Variants in SLC10A2 observed in about 807,000 individuals in gnomAD.
The protein encoded by SLC10A2 is solute carrier family 10 member 2.
In SLC10A2, 34 loss-of-function variants were observed where a neutral mutation model predicts 27.1. That is an observed-to-expected ratio of 1.26 (90% confidence interval 0.96 to 1.67). The LOEUF is 1.67. Among genes scored for constraint, SLC10A2 ranks in the 40% most tolerant of loss-of-function variants. SLC10A2 has a pLI of 0.00. For missense variants in SLC10A2, 530 were observed against 444.4 expected (o/e 1.19, Z -1.73); for synonymous variants, 205 against 174.0 (o/e 1.18, Z -1.40).
At chr13:103,056,565 A>G (rs1232898582) in intron 2 of SLC10A2, among the ~76,000 whole-genome samples, 1 of 152,152 alleles carries the variant, frequency 6.6e-6, no homozygotes, top group African/African-American at 2.4e-5. Context: ...TACAGTGAGT[A>G]TTGTGGAATC....
intron 5 of SLC10A2, among the ~76,000 whole-genome samples, chr13:103,047,818 T>C (rs1875655248): frequency 6.6e-6 from 1 of 152,088 alleles, no homozygotes; most frequent in Non-Finnish European, 1.5e-5. Flanking sequence ...AATTGTTCTA[T>C]CAACCAGTCC....
intron 1 of SLC10A2, among the ~76,000 whole-genome samples, chr13:103,059,880 G>A (rs2138922629): frequency 6.6e-6 from 1 of 152,288 alleles, no homozygotes; most frequent in South Asian, 2.1e-4. Flanking sequence ...AGAAGCGGAA[G>A]CTGACTTAAA....
intron 2 of SLC10A2, among the ~76,000 whole-genome samples, chr13:103,053,843 G>C (rs1329375605): frequency 6.9e-6 from 1 of 144,324 alleles, no homozygotes; most frequent in Non-Finnish European, 1.5e-5. Context: ...ATGACTAAGG[G>C]TACTAAGAGT....
chr13:103,051,308 C>T lies in SLC10A2; in HGVS notation c.710G>A (p.Gly237Asp), dbSNP rs758439886. Residue 237 changes from glycine (G) to aspartate (D), a missense_variant, in exon 4 of 6, where the codon GGT (glycine) becomes GAT (aspartate). Gly to Asp is a moderately conservative substitution (Grantham distance 94, BLOSUM62 -1). Transcript: ENST00000245312. ...AGCCAGAAGAAACCCCAGGGAGTAACCCGCCACAGGAAATATTGTTCCTAT... is the reference window on the plus strand; with the variant it reads ...AGCCAGAAGAAACCCCAGGGAGTAATCCGCCACAGGAAATATTGTTCCTAT... Reference protein sequence around the residue: ...WIIGTIFPVAGYSLGFLLARI... With the variant: ...WIIGTIFPVADYSLGFLLARI... 1 of 1,614,066 alleles carries T rather than the reference C, an allele frequency of 6.2e-7. No homozygotes were observed. Among genetic ancestry groups the T allele is most frequent in the South Asian group, 1.1e-5 (1 of 91,070 alleles).
At chr13:103,049,525 A>ACATAATG in intron 4 of SLC10A2, 79 bp from the exon 5 acceptor site, 4 of 1,393,432 alleles carry the variant, frequency 2.9e-6, no homozygotes, top group Non-Finnish European at 3.0e-6. Flanking sequence ...AATAATAAGT[A>ACATAATG]CATATATATG....
chr13:103,057,386 T>G (rs182158505), intron 2 of SLC10A2, among the ~76,000 whole-genome samples: 221 of 152,260 alleles, frequency 1.5e-3, no homozygotes, highest in Non-Finnish European at 2.1e-3. Flanking sequence ...ATAAGGTTTT[T>G]GGGATGAGGG....
chr13:103,056,242 A>G (rs892934831), intron 2 of SLC10A2, among the ~76,000 whole-genome samples: 1 of 152,238 alleles, frequency 6.6e-6, no homozygotes, highest in Non-Finnish European at 1.5e-5. Flanking sequence ...AGGAACAAGT[A>G]TTCTGTTTCT....
intron 2 of SLC10A2, 97 bp downstream of exon 2, chr13:103,058,167 A>G (rs1732765327): frequency 1.2e-6 from 1 of 810,576 alleles, no homozygotes; most frequent in Admixed American, 1.7e-5. Flanking sequence ...CTACTAGGGC[A>G]ATAACGGTCA....
At chr13:103,059,917 G>C (rs567878317) in intron 1 of SLC10A2, among the ~76,000 whole-genome samples, 2 of 152,304 alleles carry the variant, frequency 1.3e-5, no homozygotes, top group South Asian at 4.1e-4. Flanking sequence ...GCAAGCGGCA[G>C]GGTAGACATA....
At chr13:103,058,636 T>C (rs183739690) in intron 1 of SLC10A2, among the ~76,000 whole-genome samples, 103 of 152,236 alleles carry the variant, frequency 6.8e-4, no homozygotes, top group African/African-American at 2.3e-3. Context: ...TAGGCCCCAG[T>C]GTCTGTGTTC....
At chr13:103,054,877 T>A (rs9557994) in intron 2 of SLC10A2, among the ~76,000 whole-genome samples, 1 of 152,176 alleles carries the variant, frequency 6.6e-6, no homozygotes, top group South Asian at 2.1e-4. Flanking sequence ...GTTTTACGTA[T>A]GCCTCATATG....
In SLC10A2 at chr13:103,058,430, G is replaced by A. The variant is rs1876007352; in HGVS notation, c.378-48C>T. On this transcript the variant is annotated intron_variant, in intron 1 of 5. Coordinates refer to ENST00000245312, the MANE Select transcript of SLC10A2 (RefSeq NM_000452.3). Reference sequence around the variant, plus strand: ...ATACATCCACCTGTGGTGTTCTAGGGAAGATGCTGTTTTATTTTTATTTTT... The same window carrying A: ...ATACATCCACCTGTGGTGTTCTAGGAAAGATGCTGTTTTATTTTTATTTTT... 2.7e-6 allele frequency: 3 copies of A among 1,092,672 alleles called. No individual in the cohort carries two copies. The East Asian group carries it at 7.0e-5, about 26-fold the overall frequency. 67.7% of individuals were successfully genotyped at this position (1,092,672 alleles called of 1,614,324 possible). A position where few individuals can be genotyped will look rare whatever the true frequency, so the allele number is the denominator to read the frequency against.
At position 103,054,138 on chromosome 13, in the gene SLC10A2, G is replaced by A. The variant is rs147527851; in HGVS notation, c.497-1430C>T. On this transcript the variant is annotated intron_variant, in intron 2 of 5. Coordinates refer to ENST00000245312, the MANE Select transcript of SLC10A2 (RefSeq NM_000452.3). ...ATTGTGGGGGGCAGACTTCCCCCTT[G>A]TTGTTCTTGTGATAGTGAGTTCTCA... Among the ~76,000 whole-genome samples the A allele has an allele frequency of 4.9e-4, 75 of 152,114 alleles. 1 individual carries two copies. The East Asian group carries it at 0.014, about 29-fold the overall frequency.
chr13:103,048,882 T>C (rs898489176), intron 5 of SLC10A2, among the ~76,000 whole-genome samples: 1 of 152,248 alleles, frequency 6.6e-6, no homozygotes, highest in African/African-American at 2.4e-5. Flanking sequence ...TAAATTTTCT[T>C]TGTATACCAG....
chr13:103,057,518 G>A (rs999391975), intron 2 of SLC10A2, among the ~76,000 whole-genome samples: 2 of 152,142 alleles, frequency 1.3e-5, no homozygotes, highest in Non-Finnish European at 2.9e-5. Context: ...GTTTCGTCTA[G>A]CAGTTTTCTG....
chr13:103,049,428 A>G lies in SLC10A2; in HGVS notation c.780T>C (p.Phe260=). 6.2e-7 allele frequency: 1 copy of G among 1,614,026 alleles called. No homozygotes were observed. Among genetic ancestry groups the G allele is most frequent in the Non-Finnish European group, 8.5e-7 (1 of 1,179,916 alleles). The part of the protein sequence containing the change: ...LPWYRCRTVA[F]ETGMQNTQLC... ...GCTGCGTGTTCTGCATCCCCGTTTC[A>G]AAAGCAACCGTTCGGCACCTAAAGA... The change falls in exon 5 of 6, where the codon TTT becomes TTC. Residue 260 remains phenylalanine, a synonymous_variant. Coordinates refer to ENST00000245312, the MANE Select transcript of SLC10A2 (RefSeq NM_000452.3).
rs139517943 is a variant in SLC10A2 at position 103,052,644 on chromosome 13, G to C, written c.561C>G (p.Pro187=). The change falls in exon 3 of 6, where the codon CCC becomes CCG. Residue 187 remains proline, a synonymous_variant. Transcript: ENST00000245312. The part of the protein sequence containing the change: ...SIGMFVNHKW[P]QKAKIILKIG... Reference sequence around the variant, plus strand: ...CTTTAAGTATGATCTTTGCTTTTTGGGGCCATTTGTGATTAACAAACATTC... The same window carrying C: ...CTTTAAGTATGATCTTTGCTTTTTGCGGCCATTTGTGATTAACAAACATTC... 5.6e-5 allele frequency: 91 copies of C among 1,611,120 alleles called. No homozygotes were observed. The African/African-American group carries it at 1.1e-3, about 19-fold the overall frequency.
intron 2 of SLC10A2, 43 bp from the exon 3 acceptor site, chr13:103,052,751 C>T (rs747022039): frequency 8.2e-7 from 1 of 1,213,924 alleles, no homozygotes; most frequent in Non-Finnish European, 1.2e-6. Flanking sequence ...GAACAGGTGA[C>T]ACAGGAAAGA....
At position 103,044,606 on chromosome 13, in the gene SLC10A2, C is replaced by T. The variant is rs1875553289; in HGVS notation, c.*1527G>A. The T allele has an allele frequency of 6.6e-6, 1 of 152,208 alleles. No individual in the cohort carries two copies. Among genetic ancestry groups the T allele is most frequent in the South Asian group, 2.1e-4 (1 of 4,836 alleles). 9.4% of individuals were successfully genotyped at this position (152,208 alleles called of 1,614,324 possible). On this transcript the variant is annotated 3_prime_UTR_variant, in exon 6 of 6. Coordinates refer to ENST00000245312, the MANE Select transcript of SLC10A2 (RefSeq NM_000452.3). ...TGAATTTGAAAAGCAGAATCCCTCA[C>T]CCCTCTACTGGAAGAGCTAAGTTGA...
Sources: allele counts gnomAD v4.1 joint callset (sites outside exome capture counted in the v4.1 genomes callset), GRCh38; gene constraint gnomAD v4.1.1; transcripts MANE v1.5; gene names NCBI Gene and HGNC (gene_info 2026-07-23, HGNC 2026-07-21).